Variants in MTCL2 observed in about 807,000 individuals in gnomAD.
MTCL2 encodes microtubule crosslinking factor 2.
chr20:36,783,632 G>A, the MTCL2 span: 3 of 289,260 alleles, frequency 1.0e-5, no homozygotes, highest in Non-Finnish European at 1.5e-5. Flanking sequence ...AGGAGGAAGG[G>A]GGAGAACGGG....
At chr20:36,816,224 G>A in the MTCL2 span, 1 of 1,613,102 alleles carries the variant, frequency 6.2e-7, no homozygotes, top group South Asian at 1.1e-5. Context: ...CATTCTCCTT[G>A]GCAAGCTTAG....
At chr20:36,855,095 G>A in the MTCL2 span, among the ~76,000 whole-genome samples, 1 of 152,306 alleles carries the variant, frequency 6.6e-6, no homozygotes, top group Admixed American at 6.5e-5. Context: ...GGTCACGGGG[G>A]TCACACCAGA....
the MTCL2 span, among the ~76,000 whole-genome samples, chr20:36,788,806 C>CT: frequency 0.024 from 3,362 of 142,574 alleles, 203 homozygotes; most frequent in African/African-American, 0.082. Context: ...CTTTTCTTTT[C>CT]TTTTTTTTTT....
At chr20:36,849,234 G>T in the MTCL2 span, among the ~76,000 whole-genome samples, 1 of 151,338 alleles carries the variant, frequency 6.6e-6, no homozygotes, top group Non-Finnish European at 1.5e-5. Context: ...GCTAATTTTT[G>T]TATTTTTAGT....
At chr20:36,839,594 C>A in the MTCL2 span, among the ~76,000 whole-genome samples, 1 of 152,148 alleles carries the variant, frequency 6.6e-6, no homozygotes, top group Non-Finnish European at 1.5e-5. This position sits in a 1 kb window ranked among gnomAD's most constrained non-coding sequence, Gnocchi z 5.1. Context: ...TGTTCACATT[C>A]CCAGGATCTG....
the MTCL2 span, among the ~76,000 whole-genome samples, chr20:36,840,238 C>T: frequency 7.9e-5 from 12 of 150,970 alleles, no homozygotes; most frequent in Admixed American, 6.6e-4. Flanking sequence ...TATCTCGGCT[C>T]ACTGCAAACT....
At chr20:36,797,310 G>C in the MTCL2 span, among the ~76,000 whole-genome samples, 1 of 152,116 alleles carries the variant, frequency 6.6e-6, no homozygotes, top group Admixed American at 6.6e-5. Flanking sequence ...CCAGTCCCTG[G>C]GTGGTTGGGT....
chr20:36,856,541 C>G, the MTCL2 span, among the ~76,000 whole-genome samples: 1 of 152,386 alleles, frequency 6.6e-6, no homozygotes, highest in African/African-American at 2.4e-5. Flanking sequence ...CGGTCCACTT[C>G]ACTCAGCCCC....
the MTCL2 span, among the ~76,000 whole-genome samples, chr20:36,846,331 C>A: frequency 6.6e-6 from 1 of 152,318 alleles, no homozygotes; most frequent in African/African-American, 2.4e-5. Context: ...TGACCCTCAG[C>A]CCCACCACGG....
chr20:36,832,997 C>A, the MTCL2 span, among the ~76,000 whole-genome samples: 2,543 of 152,276 alleles, frequency 0.017, 39 homozygotes, highest in South Asian at 0.058. Context: ...GAACATCCCC[C>A]GGGTGCTCAC....
At chr20:36,817,282 A>G in the MTCL2 span, 1 of 884,066 alleles carries the variant, frequency 1.1e-6, no homozygotes, top group Non-Finnish European at 1.7e-6. Flanking sequence ...AAAAAAAAAA[A>G]AAGAAAAGAA....
chr20:36,843,020 T>C, the MTCL2 span, among the ~76,000 whole-genome samples: 1 of 152,062 alleles, frequency 6.6e-6, no homozygotes, highest in African/African-American at 2.4e-5. Context: ...CTCGTATTCC[T>C]CCCTCCTCAT....
chr20:36,822,352 G>T, the MTCL2 span, among the ~76,000 whole-genome samples: 5 of 152,382 alleles, frequency 3.3e-5, no homozygotes, highest in African/African-American at 4.8e-5. Flanking sequence ...GAATGCAGCC[G>T]CAAGGCCTGG....
At chr20:36,811,462 C>A in the MTCL2 span, among the ~76,000 whole-genome samples, 2 of 152,138 alleles carry the variant, frequency 1.3e-5, no homozygotes, top group South Asian at 4.1e-4. Context: ...AACCCTGTCT[C>A]TACTAAAAAT....
chr20:36,827,295 C>T, the MTCL2 span, among the ~76,000 whole-genome samples: 5 of 151,290 alleles, frequency 3.3e-5, no homozygotes, highest in Non-Finnish European at 5.9e-5. Flanking sequence ...TCAGGTGATC[C>T]ACCCACCTCA....
chr20:36,814,965 G>T, the MTCL2 span, among the ~76,000 whole-genome samples: 304 of 152,278 alleles, frequency 2.0e-3, 2 homozygotes, highest in African/African-American at 7.0e-3. Context: ...GGAGAGTGAG[G>T]GGGGGAGAAT....
At chr20:36,785,360 G>A in the MTCL2 span, 1 of 984,470 alleles carries the variant, frequency 1.0e-6, no homozygotes, top group Non-Finnish European at 1.2e-6. Flanking sequence ...GGGACTTTGG[G>A]GTAAATTAAA....
the MTCL2 span, chr20:36,808,753 G>T: frequency 6.4e-7 from 1 of 1,569,142 alleles, no homozygotes; most frequent in East Asian, 2.3e-5. Flanking sequence ...GCTGCCGGGG[G>T]ACAAGAGCTT....
chr20:36,784,219 C>A, the MTCL2 span: 1 of 986,264 alleles, frequency 1.0e-6, no homozygotes, highest in Non-Finnish European at 1.2e-6. Flanking sequence ...TTGGAGGGCC[C>A]CCCTGACCTC....
Sources: allele counts gnomAD v4.1 joint callset (sites outside exome capture counted in the v4.1 genomes callset), GRCh38; gene constraint gnomAD v4.1.1; non-coding constraint Gnocchi (gnomAD v3.1); transcripts MANE v1.5; gene names NCBI Gene and HGNC (gene_info 2026-07-23, HGNC 2026-07-21).